Variants in LRCH1 observed in about 807,000 individuals in gnomAD.
The protein encoded by LRCH1 is leucine rich repeats and calponin homology domain containing 1.
In LRCH1, 23 loss-of-function variants were observed where a neutral mutation model predicts 94.9. That is an observed-to-expected ratio of 0.24 (90% confidence interval 0.17 to 0.34). The LOEUF is 0.34. LRCH1 is among the 10% of genes least tolerant of loss of function. LRCH1 has a pLI of 1.00. For synonymous variants in LRCH1, 364 were observed against 354.9 expected, an observed-to-expected ratio of 1.03 and a Z score of -0.29; for missense variants, 790 against 945.9, an observed-to-expected ratio of 0.84 and a Z score of 2.16.
intron 1 of LRCH1, among the ~76,000 whole-genome samples, chr13:46,629,562 C>T (rs1233158495): frequency 6.6e-6 from 1 of 152,122 alleles, no homozygotes; most frequent in Non-Finnish European, 1.5e-5. Context: ...TCCTCAGGGC[C>T]CATGTGATGG....
downstream of LRCH1, among the ~76,000 whole-genome samples, chr13:46,746,408 G>A (rs1873913467): frequency 6.6e-6 from 1 of 152,078 alleles, no homozygotes; most frequent in African/African-American, 2.4e-5. Flanking sequence ...AGGGGATATG[G>A]GTGAACCTAA....
chr13:46,750,752 C>A lies in LRCH1; in HGVS notation c.*102C>A. Reference sequence around the variant, plus strand: ...ACCCTCTCTCCCACCCACTGCCTGTCACTTCACTGACTCCAGTTACATTGA... The same window carrying A: ...ACCCTCTCTCCCACCCACTGCCTGTAACTTCACTGACTCCAGTTACATTGA... On this transcript the variant is annotated 3_prime_UTR_variant, in exon 19 of 19. Coordinates refer to the LRCH1 transcript ENST00000311191. The A allele has an allele frequency of 5.6e-6, 4 of 720,332 alleles. No homozygotes were observed. The South Asian group carries it at 5.7e-5, about 10-fold the overall frequency. The allele number at this position is 720,332 out of a possible 1,614,324, so 44.6% of individuals were successfully genotyped here. A position where few individuals can be genotyped will look rare whatever the true frequency, so the allele number is the denominator to read the frequency against.
intron 6 of LRCH1, 57 bp downstream of exon 6, chr13:46,688,036 C>G (rs1870712488): frequency 6.6e-7 from 1 of 1,510,714 alleles, no homozygotes; most frequent in Non-Finnish European, 8.9e-7. Flanking sequence ...CCAAGGCCCT[C>G]CAGGTAGCTG....
At chr13:46,678,787 G>C (rs761011524) in intron 3 of LRCH1, among the ~76,000 whole-genome samples, 70 of 152,104 alleles carry the variant, frequency 4.6e-4, no homozygotes, top group African/African-American at 1.4e-3. Flanking sequence ...CTTATGATTA[G>C]AGAAACAGCA....
chr13:46,727,953 G>C (rs1338039712), intron 17 of LRCH1, among the ~76,000 whole-genome samples: 1 of 148,498 alleles, frequency 6.7e-6, no homozygotes, highest in Non-Finnish European at 1.5e-5. Context: ...ATCTCACTCT[G>C]TCAACCAGGT....
intron 1 of LRCH1, among the ~76,000 whole-genome samples, chr13:46,581,878 T>G (rs866636010): frequency 3.1e-4 from 47 of 152,190 alleles, no homozygotes; most frequent in African/African-American, 1.1e-3. Context: ...AAGAGACTTT[T>G]GGAAATTATT....
chr13:46,745,185 G>A (rs1233972295), downstream of LRCH1, among the ~76,000 whole-genome samples: 1 of 152,094 alleles, frequency 6.6e-6, no homozygotes, highest in African/African-American at 2.4e-5. Flanking sequence ...TTCTGCTTGT[G>A]TACCATAAAT....
Position 46,734,010 on chromosome 13 carries a change from C to T in LRCH1, c.2085+12C>T. 6.7e-7 allele frequency: 1 copy of T among 1,482,800 alleles called. No individual in the cohort carries two copies. The highest frequency in any genetic ancestry group is 2.3e-5 in the East Asian group (1 of 43,778). 91.9% of individuals were successfully genotyped at this position (1,482,800 alleles called of 1,614,324 possible). Reference sequence around the variant, plus strand: ...TAGGAGTACCAGAGGTAACATCAAACTTACTTCATATAACTGTGTTCTAGT... The same window carrying T: ...TAGGAGTACCAGAGGTAACATCAAATTTACTTCATATAACTGTGTTCTAGT... On this transcript the variant is annotated intron_variant, in intron 19 of 19. Transcript: ENST00000389797.
downstream of LRCH1, among the ~76,000 whole-genome samples, chr13:46,745,383 G>A (rs7993384): frequency 0.1 from 15,184 of 151,886 alleles, 1,464 homozygotes; most frequent in African/African-American, 0.24. Flanking sequence ...CAGGATTCTG[G>A]AAAAGAGACC....
At chr13:46,712,777 C>G (rs1336498492) in intron 15 of LRCH1, among the ~76,000 whole-genome samples, 180 bp downstream of exon 15, 1 of 152,144 alleles carries the variant, frequency 6.6e-6, no homozygotes, top group African/African-American at 2.4e-5. Context: ...CAGCTAAGTC[C>G]GTGTTATCAG....
At chr13:46,741,088 AC>A (rs1326695066) in intron 19 of LRCH1, among the ~76,000 whole-genome samples, 2 of 152,222 alleles carry the variant, frequency 1.3e-5, no homozygotes, top group Non-Finnish European at 2.9e-5. Flanking sequence ...GTAGGGACAT[AC>A]TTAGAACTAG....
chr13:46,559,272 C>T (rs187131292), intron 1 of LRCH1, among the ~76,000 whole-genome samples: 58 of 152,224 alleles, frequency 3.8e-4, no homozygotes, highest in Non-Finnish European at 6.5e-4. Context: ...TTTGAATTAT[C>T]GTTCTGCTAT....
intron 3 of LRCH1, among the ~76,000 whole-genome samples, chr13:46,676,494 TAC>T (rs1008026011): frequency 3.0e-4 from 45 of 152,254 alleles, no homozygotes; most frequent in African/African-American, 1.0e-3. Flanking sequence ...TACCTAAAGT[TAC>T]ACAGTGAGTC....
intron 2 of LRCH1, among the ~76,000 whole-genome samples, chr13:46,668,056 C>T (rs1458764505): frequency 6.6e-6 from 1 of 152,176 alleles, no homozygotes; most frequent in African/African-American, 2.4e-5. Flanking sequence ...TTAGATATTT[C>T]ACTCTGTGGT....
At chr13:46,636,059 CTTTTTTTTTTTTT>C (rs34118906) in intron 1 of LRCH1, among the ~76,000 whole-genome samples, 39 of 73,540 alleles carry the variant, frequency 5.3e-4, no homozygotes, top group Admixed American at 2.8e-3. Flanking sequence ...CCATGTCAAC[CTTTTTTTTTTTTT>C]TTTTTTTTTT....
At chr13:46,717,725 T>C (rs1002031666) in intron 16 of LRCH1, 1 of 152,238 alleles carries the variant, frequency 6.6e-6, no homozygotes, top group Non-Finnish European at 1.5e-5. Context: ...TTTATACATT[T>C]AGTTATTATT....
Position 46,553,242 on chromosome 13 carries a change from C to CCATGA in LRCH1, c.-155_-154insCATGA. On this transcript the variant is annotated 5_prime_UTR_variant, in exon 1 of 20. It adds an upstream start codon to the 5' untranslated region. Transcript: ENST00000389797. ...CACGGCCGCCTCCCCGCCCGCCCCC[C>CCATGA]ATTCTACGCGCCTGCCCACACCCTC... 1.8e-6 allele frequency: 1 copy of CCATGA among 568,650 alleles called. No homozygotes were observed. Among genetic ancestry groups the CCATGA allele is most frequent in the Non-Finnish European group, 3.1e-6 (1 of 324,442 alleles). The allele number at this position is 568,650 out of a possible 1,614,324, so 35.2% of individuals were successfully genotyped here.
rs541998931 is a variant in LRCH1 at position 46,594,572 on chromosome 13, G to C, written c.307+40869G>C. On this transcript the variant is annotated intron_variant, in intron 1 of 19. Coordinates refer to ENST00000389797, the MANE Select transcript of LRCH1 (RefSeq NM_001164211.2). ...AGCTACACAGAATGTTTGCATTATA[G>C]GATAGGTGCCAAGTGCCCTGGAAGG... Among the ~76,000 whole-genome samples, 6 of 152,336 alleles carry C rather than the reference G, an allele frequency of 3.9e-5. No individual in the cohort carries two copies. In the South Asian group the frequency reaches 1.2e-3, roughly 32 times the overall value.
chr13:46,742,156 T>G lies in LRCH1; in HGVS notation c.*308T>G, dbSNP rs1873695679. On this transcript the variant is annotated 3_prime_UTR_variant, in exon 20 of 20. Transcript: ENST00000389797. ...ACGCAGTTCCTCCTCTCCCTCCCGG[T>G]GAGCTGCTGCCCTGGGCAGAGGGGA... 1 of 1,209,246 alleles carries G rather than the reference T, an allele frequency of 8.3e-7. No homozygotes were observed. The highest frequency in any genetic ancestry group is 1.6e-5 in the African/African-American group (1 of 64,466). The allele number at this position is 1,209,246 out of a possible 1,614,324, so 74.9% of individuals were successfully genotyped here. A position where few individuals can be genotyped will look rare whatever the true frequency, so the allele number is the denominator to read the frequency against.
Sources: gnomAD v4.1 joint callset for allele counts (sites outside exome capture counted in the v4.1 genomes callset) on GRCh38, gnomAD v4.1.1 for gene constraint, MANE v1.5 for transcripts, NCBI Gene and HGNC (gene_info 2026-07-23, HGNC 2026-07-21) for gene names.